PPP3R1: variants seen among roughly 807,000 people sequenced by gnomAD.
PPP3R1 encodes the protein calcineurin subunit B type 1.
Under a neutral mutation model 22.6 loss-of-function variants are expected in PPP3R1, and 5 were observed. The observed-to-expected ratio is 0.22, with a 90% CI of 0.12 to 0.46. PPP3R1 has a LOEUF of 0.46. Among genes scored for constraint, PPP3R1 ranks in the 20% least tolerant of loss-of-function variants. PPP3R1 has a pLI of 0.99. For missense variants in PPP3R1, 61 were observed against 203.2 expected, an observed-to-expected ratio of 0.30 and a Z score of 4.25; for synonymous variants, 56 against 65.2, an observed-to-expected ratio of 0.86 and a Z score of 0.68.
intron 1 of PPP3R1, chr2:68,251,129 C>G (rs1015467027): frequency 6.6e-6 from 1 of 152,148 alleles, no homozygotes; most frequent in Non-Finnish European, 1.5e-5. Flanking sequence ...CTCTTGATTA[C>G]AAAGAGGAAA....
At chr2:68,186,379 G>T in intron 5 of PPP3R1, 89 bp downstream of exon 5, 1 of 1,305,380 alleles carries the variant, frequency 7.7e-7, no homozygotes, top group Non-Finnish European at 1.0e-6. Context: ...TAAGTTTTTA[G>T]GACAAAATAT....
chr2:68,250,304 G>T (rs568319871), intron 1 of PPP3R1, among the ~76,000 whole-genome samples: 5 of 152,122 alleles, frequency 3.3e-5, no homozygotes, highest in Non-Finnish European at 7.4e-5. Context: ...AGGAAAATAA[G>T]AAATTGAAGA....
intron 1 of PPP3R1, among the ~76,000 whole-genome samples, chr2:68,249,602 G>C (rs1379906017): frequency 6.6e-6 from 1 of 151,648 alleles, no homozygotes; most frequent in Middle Eastern, 3.2e-3. Context: ...CCTCGTTCAG[G>C]GGAAATTCCT....
intron 1 of PPP3R1, among the ~76,000 whole-genome samples, chr2:68,236,343 G>C (rs990402594): frequency 1.3e-5 from 2 of 152,130 alleles, no homozygotes; most frequent in African/African-American, 4.8e-5. Flanking sequence ...AGTTGAAATG[G>C]TGCAACAGAC....
At chr2:68,188,869 A>C (rs1158677858) in intron 2 of PPP3R1, among the ~76,000 whole-genome samples, 179 bp from the exon 3 acceptor site, 1 of 152,184 alleles carries the variant, frequency 6.6e-6, no homozygotes, top group African/African-American at 2.4e-5. Context: ...TATGTTAACT[A>C]ATTTATTCTA....
intron 2 of PPP3R1, among the ~76,000 whole-genome samples, chr2:68,198,332 CAT>C (rs1674863288): frequency 1.5e-5 from 1 of 65,546 alleles, no homozygotes; most frequent in East Asian, 4.1e-4. Flanking sequence ...TACATATGTA[CAT>C]ATATGTACAT....
chr2:68,223,007 A>C (rs902704889), intron 1 of PPP3R1, among the ~76,000 whole-genome samples: 2 of 152,208 alleles, frequency 1.3e-5, no homozygotes, highest in African/African-American at 4.8e-5. Context: ...ATCCTACACA[A>C]ATTATTTCAG....
rs70949678 is a variant in PPP3R1, at chr2:68,181,392, CAA to C, written c.466-384_466-383del. Among the ~76,000 whole-genome samples the C allele has an allele frequency of 2.5e-3, 272 of 107,454 alleles. 1 individual carries two copies. The highest frequency in any genetic ancestry group is 5.8e-3 in the Middle Eastern group (1 of 172). The allele number at this position is 107,454 out of a possible 152,430, so 70.5% of individuals were successfully genotyped here. On this transcript the variant is annotated intron_variant, in intron 5 of 5. Transcript: ENST00000234310. ...TGGGCAACAGAGCGAGACTCCATCT[CAA>C]AAAAAAAAAAAAAAAATTACTTTAG...
rs1675078347 is a variant in PPP3R1, at chr2:68,204,860, A to G, written c.43+12232T>C. On this transcript the variant is annotated intron_variant, in intron 2 of 5. Transcript: ENST00000234310. The stretch of plus-strand genomic sequence containing the variant: ...AATTCAGTCAACCAATTATTTACTC[A>G]GCATCTGCTTTATGCCAGGCATTAT... 2.6e-5 allele frequency among the ~76,000 whole-genome samples: 4 copies of G among 152,242 alleles called. No homozygotes were observed. The South Asian group carries it at 8.3e-4, about 32-fold the overall frequency.
At chr2:68,207,511 G>A (rs1675153956) in intron 2 of PPP3R1, among the ~76,000 whole-genome samples, 1 of 152,216 alleles carries the variant, frequency 6.6e-6, no homozygotes, top group African/African-American at 2.4e-5. Context: ...CATCCCAGAT[G>A]TACGTAAGGA....
At chr2:68,244,840 C>CA (rs1319684692) in intron 1 of PPP3R1, among the ~76,000 whole-genome samples, 1 of 152,104 alleles carries the variant, frequency 6.6e-6, no homozygotes, top group Non-Finnish European at 1.5e-5. Flanking sequence ...CATACTCCTT[C>CA]AAATAGTACT....
chr2:68,198,352 CAT>C (rs1475340966), intron 2 of PPP3R1, among the ~76,000 whole-genome samples: 35 of 89,708 alleles, frequency 3.9e-4, no homozygotes, highest in African/African-American at 1.1e-3. Context: ...CATGTATATG[CAT>C]ATATATGTAC....
intron 2 of PPP3R1, among the ~76,000 whole-genome samples, chr2:68,211,026 TAA>T (rs983412036): frequency 1.3e-5 from 2 of 152,168 alleles, no homozygotes; most frequent in Non-Finnish European, 2.9e-5. Flanking sequence ...CCAGTGCATA[TAA>T]AAGTTATATT....
At chr2:68,232,156 TATACATATATAA>T (rs1344290905) in intron 1 of PPP3R1, among the ~76,000 whole-genome samples, 17 of 119,230 alleles carry the variant, frequency 1.4e-4, no homozygotes, top group Non-Finnish European at 2.1e-4. Flanking sequence ...TGTATATATA[TATACATATATAA>T]ATACATATAT....
chr2:68,213,367 A>G (rs148882460), intron 2 of PPP3R1, among the ~76,000 whole-genome samples: 248 of 152,334 alleles, frequency 1.6e-3, no homozygotes, highest in Non-Finnish European at 2.9e-3. Context: ...CCTAATTTCA[A>G]TACTGTTGTC....
intron 1 of PPP3R1, among the ~76,000 whole-genome samples, chr2:68,242,871 C>T (rs1267933649): frequency 1.3e-5 from 2 of 152,172 alleles, no homozygotes; most frequent in Non-Finnish European, 1.5e-5. Flanking sequence ...CCAAGGGTAA[C>T]ATCCTTTCTG....
chr2:68,217,013 C>T (rs1314405808), intron 2 of PPP3R1, 79 bp downstream of exon 2: 3 of 290,054 alleles, frequency 1.0e-5, no homozygotes, highest in Non-Finnish European at 5.6e-6. Context: ...AGGTATGATA[C>T]ACACACACAC....
intron 2 of PPP3R1, among the ~76,000 whole-genome samples, chr2:68,195,289 G>A (rs1192344194): frequency 6.6e-6 from 1 of 152,058 alleles, no homozygotes; most frequent in African/African-American, 2.4e-5. Context: ...CCCTCAGTTT[G>A]AGCTTCCTGT....
chr2:68,221,630 C>T (rs1197689017), intron 1 of PPP3R1, among the ~76,000 whole-genome samples: 1 of 151,652 alleles, frequency 6.6e-6, no homozygotes, highest in East Asian at 1.9e-4. Flanking sequence ...TTGATGAAAA[C>T]TTTAAATCCC....
Sources: gnomAD v4.1 joint callset for allele counts (sites outside exome capture counted in the v4.1 genomes callset) on GRCh38, gnomAD v4.1.1 for gene constraint, MANE v1.5 for transcripts, NCBI Gene and HGNC (gene_info 2026-07-23, HGNC 2026-07-21) for gene names.